Variants in EPS8 observed in about 807,000 individuals in gnomAD.
The protein encoded by EPS8 is EGFR pathway substrate 8, signaling adaptor, also known as epidermal growth factor receptor kinase substrate 8.
A neutral mutation model predicts 103.8 loss-of-function variants in EPS8; 42 were observed. The ratio of observed to expected loss-of-function variants is 0.40; its 90% CI spans 0.32 to 0.52. EPS8 has a LOEUF of 0.52. Ranked by LOEUF, EPS8 falls within the 20% of genes least tolerant of loss-of-function variation. EPS8 has a pLI of 0.40. For missense variants in EPS8, 969 were observed against 1,005.1 expected (o/e 0.96, Z 0.49); for synonymous variants, 344 against 344.6 (o/e 1.00, Z 0.02).
In EPS8 at chr12:15,716,114, T is replaced by G. The variant is rs555168840; in HGVS notation, c.-21-33142A>C. Among the ~76,000 whole-genome samples, 2 of 152,218 alleles carry G rather than the reference T, an allele frequency of 1.3e-5. No homozygotes were observed. The highest frequency in any genetic ancestry group is 4.8e-5 in the African/African-American group (2 of 41,564). On this transcript the variant is annotated intron_variant, in intron 1 of 20. Transcript: ENST00000281172. The surrounding 1 kb of genome is among the most constrained non-coding windows in gnomAD (Gnocchi z 5.0). ...CAACATTTCAAAGTATCACTAAACT[T>G]GAGAGCTGAAAGAAATCTGAGAGAG... is the stretch of plus-strand genomic sequence containing the variant.
At chr12:15,666,671 C>G in intron 6 of EPS8, 149 bp from the exon 7 acceptor site, 1 of 599,174 alleles carries the variant, frequency 1.7e-6, no homozygotes, top group South Asian at 2.2e-5. Context: ...CAAAACATGA[C>G]TCTTGTGGTT....
At chr12:15,658,687 C>A in intron 10 of EPS8, 102 bp from the exon 11 acceptor site, 1 of 773,730 alleles carries the variant, frequency 1.3e-6, no homozygotes, top group Non-Finnish European at 2.3e-6. Flanking sequence ...TTGAAGATCT[C>A]ATCAGACATG....
intron 8 of EPS8, among the ~76,000 whole-genome samples, chr12:15,664,687 T>C (rs1342618294): frequency 6.6e-6 from 1 of 152,194 alleles, no homozygotes; most frequent in Admixed American, 6.5e-5. Context: ...CGTTTAACTA[T>C]AGTGCCAGAT....
rs1404076529 is a variant in EPS8 at position 15,698,903 on chromosome 12, T to A, written c.-21-15931A>T. Among the ~76,000 whole-genome samples the A allele has an allele frequency of 6.6e-6, 1 of 152,180 alleles. No individual in the cohort carries two copies. The highest frequency in any genetic ancestry group is 1.9e-4 in the East Asian group (1 of 5,202). On this transcript the variant is annotated intron_variant, in intron 1 of 20. Transcript: ENST00000281172. The surrounding 1 kb of genome is among the most constrained non-coding windows in gnomAD (Gnocchi z 4.9). ...CATATTCTTGTAATTGTTGTATATG[T>A]CAAGAATGAAAATCAAAGATTCCAA...
At chr12:15,679,374 C>A (rs1312273915) in intron 3 of EPS8, among the ~76,000 whole-genome samples, 1 of 152,170 alleles carries the variant, frequency 6.6e-6, no homozygotes, top group Non-Finnish European at 1.5e-5. Flanking sequence ...CACCACTATG[C>A]ACTCTCCAGT....
At chr12:15,654,600 G>T (rs573335287) in intron 12 of EPS8, among the ~76,000 whole-genome samples, 1 of 152,270 alleles carries the variant, frequency 6.6e-6, no homozygotes, top group Admixed American at 6.5e-5. Context: ...TAGATCAGGT[G>T]ATTTTACTAC....
chr12:15,772,788 A>C lies in EPS8; in HGVS notation c.-22+16373T>G, dbSNP rs1389822817. 6.6e-6 allele frequency among the ~76,000 whole-genome samples: 1 copy of C among 152,182 alleles called. No individual in the cohort carries two copies. The highest frequency in any genetic ancestry group is 2.4e-5 in the African/African-American group (1 of 41,446). On this transcript the variant is annotated intron_variant, in intron 1 of 20. Coordinates refer to ENST00000281172, the MANE Select transcript of EPS8 (RefSeq NM_004447.6). The surrounding 1 kb of genome is among the most constrained non-coding windows in gnomAD (Gnocchi z 5.0). The stretch of plus-strand genomic sequence containing the variant: ...GAGAATATTCTTTTTATTTAAAAGA[A>C]GGCAAAAATCATTACAAACATACAT...
Position 15,762,063 on chromosome 12 carries a change from T to C in EPS8, c.-22+27098A>G, listed in dbSNP as rs769286109. Among the ~76,000 whole-genome samples, 5 of 152,114 alleles carry C rather than the reference T, an allele frequency of 3.3e-5. No homozygotes were observed. Among genetic ancestry groups the C allele is most frequent in the Non-Finnish European group, 4.4e-5 (3 of 68,012 alleles). ...AAAAGAGATTAATAATCAGAATATA[T>C]ATAGAGCTCAAACAACTCTACAAGA... is the stretch of plus-strand genomic sequence containing the variant. On this transcript the variant is annotated intron_variant, in intron 1 of 20. Transcript: ENST00000281172. This position sits in a 1 kb window ranked among gnomAD's most constrained non-coding sequence, Gnocchi z 4.8.
rs1031577475 is a variant in EPS8 at position 15,747,746 on chromosome 12, C to T, written c.-22+41415G>A. Among the ~76,000 whole-genome samples, 10 of 152,210 alleles carry T rather than the reference C, an allele frequency of 6.6e-5. No individual in the cohort carries two copies. The highest frequency in any genetic ancestry group is 1.7e-4 in the African/African-American group (7 of 41,518). On this transcript the variant is annotated intron_variant, in intron 1 of 20. Transcript: ENST00000281172. The surrounding 1 kb of genome is among the most constrained non-coding windows in gnomAD (Gnocchi z 4.4). The stretch of plus-strand genomic sequence containing the variant: ...CAATTTAAGAAAAAAAATAGCCAGG[C>T]GCAGTGGCTCACGCCTGTAATCCCA...
intron 14 of EPS8, among the ~76,000 whole-genome samples, chr12:15,648,070 A>C (rs1221152016): frequency 6.6e-6 from 1 of 152,204 alleles, no homozygotes; most frequent in East Asian, 1.9e-4. Flanking sequence ...ATCTGACAGG[A>C]GATGGAGCTC....
At chr12:15,758,128 A>G (rs1221133838) in intron 1 of EPS8, among the ~76,000 whole-genome samples, 1 of 152,134 alleles carries the variant, frequency 6.6e-6, no homozygotes, top group East Asian at 1.9e-4. Context: ...ACATAGCATG[A>G]CTTCTACCTT....
chr12:15,758,941 T>C (rs999523470), intron 1 of EPS8, among the ~76,000 whole-genome samples: 2 of 152,104 alleles, frequency 1.3e-5, no homozygotes, highest in African/African-American at 4.8e-5. Flanking sequence ...ATGCTAATAA[T>C]CAGTGAATGG....
At chr12:15,770,121 T>A (rs1229108787) in intron 1 of EPS8, among the ~76,000 whole-genome samples, 1 of 151,644 alleles carries the variant, frequency 6.6e-6, no homozygotes, top group Non-Finnish European at 1.5e-5. Context: ...GTATTTTTTG[T>A]AGAGATAGGG....
chr12:15,636,366 CT>C (rs1945134195), intron 17 of EPS8, among the ~76,000 whole-genome samples: 3 of 152,092 alleles, frequency 2.0e-5, no homozygotes, highest in African/African-American at 7.2e-5. Flanking sequence ...ATTTTTATTA[CT>C]TTCTCTTTTA....
chr12:15,670,367 A>G (rs1945794507), intron 4 of EPS8, among the ~76,000 whole-genome samples: 1 of 152,176 alleles, frequency 6.6e-6, no homozygotes, highest in African/African-American at 2.4e-5. Flanking sequence ...AACTGAAAAT[A>G]AGAGCAATTT....
intron 17 of EPS8, among the ~76,000 whole-genome samples, chr12:15,636,705 G>T (rs555962332): frequency 2.6e-5 from 4 of 152,022 alleles, no homozygotes; most frequent in Admixed American, 2.0e-4. Context: ...TTAAGTATTT[G>T]GTGACTCACA....
chr12:15,668,328 CA>C (rs1311228984), intron 6 of EPS8, among the ~76,000 whole-genome samples: 1 of 152,026 alleles, frequency 6.6e-6, no homozygotes, highest in Non-Finnish European at 1.5e-5. Context: ...CTTTAAATGT[CA>C]AAAAACACAG....
intron 1 of EPS8, among the ~76,000 whole-genome samples, chr12:15,744,593 A>G (rs1474005047): frequency 6.6e-6 from 1 of 152,236 alleles, no homozygotes; most frequent in Admixed American, 6.5e-5. Context: ...CAACAAGCCC[A>G]TGAAGGTAAG....
rs775725358 is a variant in EPS8, at chr12:15,647,180, G to A, written c.1515C>T (p.Asp505=). The change falls in exon 15 of 21, where the codon GAC becomes GAT. Residue 505 remains aspartate (D), a synonymous_variant. Transcript: ENST00000281172. ...TAAAAGCAACAGCAGCTTCCCCTTG[G>A]TCCAGGTGGGATCCTCTTGTGTAAA... ...SNIYTRGSHL[D]QGEAAVAFKP... The A allele has an allele frequency of 6.2e-7, 1 of 1,614,014 alleles. No individual in the cohort carries two copies. The highest frequency in any genetic ancestry group is 8.5e-7 in the Non-Finnish European group (1 of 1,179,938).
Sources: allele counts gnomAD v4.1 joint callset (sites outside exome capture counted in the v4.1 genomes callset), GRCh38; gene constraint gnomAD v4.1.1; non-coding constraint Gnocchi (gnomAD v3.1); transcripts MANE v1.5; gene names NCBI Gene and HGNC (gene_info 2026-07-23, HGNC 2026-07-21).